Variants in NOVA1 observed in about 807,000 individuals in gnomAD.
NOVA1 encodes RNA-binding protein Nova-1.
A neutral mutation model predicts 38.0 loss-of-function variants in NOVA1; 7 were observed. The ratio of observed to expected loss-of-function variants is 0.18; its 90% confidence interval spans 0.10 to 0.35. The LOEUF is 0.35. Among genes scored for constraint, NOVA1 ranks in the 10% least tolerant of loss-of-function variants. The pLI, the probability that NOVA1 is intolerant of heterozygous loss-of-function variation, is 1.00. For synonymous variants in NOVA1, 270 were observed against 232.5 expected (o/e 1.16, Z -1.47); for missense variants, 460 against 616.0 (o/e 0.75, Z 2.68).
intron 2 of NOVA1, among the ~76,000 whole-genome samples, chr14:26,582,515 T>C (rs1359691768): frequency 2.6e-5 from 4 of 151,954 alleles, no homozygotes; most frequent in Middle Eastern, 3.4e-3. Context: ...GCTTTTCCTA[T>C]GCACTTTTTT....
intron 2 of NOVA1, chr14:26,593,888 C>CA (rs1313504054): frequency 6.6e-6 from 1 of 151,762 alleles, no homozygotes; most frequent in Non-Finnish European, 1.5e-5. Flanking sequence ...ATGTATAATG[C>CA]AAAAAAGCTA....
At chr14:26,578,150 C>G (rs987254009) in intron 2 of NOVA1, among the ~76,000 whole-genome samples, 3 of 152,028 alleles carry the variant, frequency 2.0e-5, no homozygotes, top group African/African-American at 7.2e-5. Flanking sequence ...GAACTGACCA[C>G]TGAATAAAAA....
chr14:26,567,768 A>G (rs1276610295), intron 2 of NOVA1, among the ~76,000 whole-genome samples: 3 of 152,144 alleles, frequency 2.0e-5, no homozygotes, highest in African/African-American at 7.2e-5. Context: ...AGTCATCTCA[A>G]TATGCTAACG....
intron 2 of NOVA1, among the ~76,000 whole-genome samples, chr14:26,579,574 A>G (rs1893084018): frequency 1.3e-5 from 2 of 152,172 alleles, no homozygotes; most frequent in South Asian, 4.1e-4. Flanking sequence ...AATATTTAGT[A>G]TGTAAGTAAT....
chr14:26,579,445 A>G (rs1727632542), intron 2 of NOVA1, among the ~76,000 whole-genome samples: 1 of 152,116 alleles, frequency 6.6e-6, no homozygotes, highest in African/African-American at 2.4e-5. Context: ...TTCTTCCACA[A>G]AGCAATCTAA....
chr14:26,471,780 A>G (rs1884607232), intron 4 of NOVA1, among the ~76,000 whole-genome samples: 1 of 152,180 alleles, frequency 6.6e-6, no homozygotes, highest in South Asian at 2.1e-4. Context: ...CCATCTCCTG[A>G]GTTGTTAAAC....
chr14:26,464,613 T>C (rs1437233816), intron 4 of NOVA1, among the ~76,000 whole-genome samples: 2 of 152,222 alleles, frequency 1.3e-5, no homozygotes, highest in African/African-American at 4.8e-5. Context: ...TAATGCTGGC[T>C]GATCTCAATA....
chr14:26,595,558 A>G lies in NOVA1; in HGVS notation c.137-5T>C. 1 of 1,611,844 alleles carries G rather than the reference A, an allele frequency of 6.2e-7. No individual in the cohort carries two copies. The highest frequency in any genetic ancestry group is 8.5e-7 in the Non-Finnish European group (1 of 1,179,286). The stretch of plus-strand genomic sequence containing the variant: ...TTAGAAAATACTGGCCGTCTTCTGA[A>G]AAATGCAAAGAAATATACTCGGTTA... On this transcript the variant is annotated splice_polypyrimidine_tract_variant and splice_region_variant and intron_variant, in intron 1 of 4. Coordinates refer to ENST00000539517, the MANE Select transcript of NOVA1 (RefSeq NM_002515.3).
intron 2 of NOVA1, among the ~76,000 whole-genome samples, chr14:26,566,340 A>T (rs1024124356): frequency 1.3e-5 from 2 of 151,988 alleles, no homozygotes; most frequent in South Asian, 2.1e-4. Context: ...GCATACACAG[A>T]GTATATTTAT....
intron 2 of NOVA1, among the ~76,000 whole-genome samples, chr14:26,530,371 C>T (rs574396151): frequency 5.9e-5 from 9 of 151,994 alleles, no homozygotes; most frequent in African/African-American, 1.7e-4. Context: ...AGTATCAACC[C>T]GGAAAGATTT....
At chr14:26,492,843 T>C (rs963593537) in intron 2 of NOVA1, among the ~76,000 whole-genome samples, 2 of 151,970 alleles carry the variant, frequency 1.3e-5, no homozygotes, top group African/African-American at 4.8e-5. Context: ...TGTGCACCTG[T>C]AATCCCAGTT....
At chr14:26,546,871 T>C (rs1890820275) in intron 2 of NOVA1, among the ~76,000 whole-genome samples, 1 of 152,012 alleles carries the variant, frequency 6.6e-6, no homozygotes, top group Non-Finnish European at 1.5e-5. Flanking sequence ...TAGAAAAAAT[T>C]AGCTGGGTGT....
chr14:26,463,550 A>G (rs1340612093), intron 4 of NOVA1, among the ~76,000 whole-genome samples: 1 of 152,082 alleles, frequency 6.6e-6, no homozygotes, highest in East Asian at 1.9e-4. Context: ...TGAACCTAGG[A>G]GTTCTTTGTA....
chr14:26,587,719 A>G (rs149185550), intron 2 of NOVA1, among the ~76,000 whole-genome samples: 24 of 151,374 alleles, frequency 1.6e-4, no homozygotes, highest in African/African-American at 5.8e-4. Context: ...AATTAATATG[A>G]CCAAAATTAA....
intron 2 of NOVA1, among the ~76,000 whole-genome samples, chr14:26,569,291 C>T (rs1594552247): frequency 6.6e-6 from 1 of 152,248 alleles, no homozygotes; most frequent in East Asian, 1.9e-4. Flanking sequence ...AAAAATATAA[C>T]TGCAATTAAT....
At chr14:26,586,403 C>A (rs1893516566) in intron 2 of NOVA1, among the ~76,000 whole-genome samples, 1 of 151,174 alleles carries the variant, frequency 6.6e-6, no homozygotes, top group African/African-American at 2.4e-5. Flanking sequence ...CGTTGCCTTA[C>A]AATTAGCCTC....
rs75681802 is a variant in NOVA1 at position 26,466,303 on chromosome 14, C to T, written c.519+6017G>A. 2.2e-3 allele frequency among the ~76,000 whole-genome samples: 339 copies of T among 152,206 alleles called. 2 individuals carry two copies. The highest frequency in any genetic ancestry group is 4.8e-3 in the African/African-American group (200 of 41,542). On this transcript the variant is annotated intron_variant, in intron 4 of 4. Coordinates refer to ENST00000539517, the MANE Select transcript of NOVA1 (RefSeq NM_002515.3). Reference sequence around the variant, plus strand: ...ACATGTTGGCTTTTACTCAGCGAAACGGTAAACTATTTCAGGTGGCAGCAA... The same window carrying T: ...ACATGTTGGCTTTTACTCAGCGAAATGGTAAACTATTTCAGGTGGCAGCAA...
rs138328757 is a variant in NOVA1, at chr14:26,448,319, C to T, written c.1164G>A (p.Leu388=). The change falls in exon 5 of 5, where the codon CTG becomes CTA. Residue 388 remains leucine, a synonymous_variant. Transcript: ENST00000539517. This position sits in a 1 kb window ranked among gnomAD's most constrained non-coding sequence, Gnocchi z 5.3. ...GTAGTFALGS[L]AAATAATNGY... ...CATTGGTTGCAGCAGTAGCAGCAGC[C>T]AGGCTACCTAATGCAAATGTCCCCG... 110 of 1,613,828 alleles carry T rather than the reference C, an allele frequency of 6.8e-5. No individual in the cohort carries two copies. The highest frequency in any genetic ancestry group is 9.0e-5 in the Non-Finnish European group (106 of 1,179,972).
At chr14:26,562,504 C>CAATTTAT (rs1335626628) in intron 2 of NOVA1, among the ~76,000 whole-genome samples, 1 of 152,048 alleles carries the variant, frequency 6.6e-6, no homozygotes, top group East Asian at 1.9e-4. Flanking sequence ...ACTAAAATGG[C>CAATTTAT]AAAATAGTAT....
Sources: allele counts gnomAD v4.1 joint callset (sites outside exome capture counted in the v4.1 genomes callset), GRCh38; gene constraint gnomAD v4.1.1; non-coding constraint Gnocchi (gnomAD v3.1); transcripts MANE v1.5; gene names NCBI Gene and HGNC (gene_info 2026-07-23, HGNC 2026-07-21).